The following CUBN variants were observed in gnomAD, a reference collection of about 807,000 sequenced individuals.
The protein encoded by CUBN is cubilin, also known as 460 kDa receptor.
A neutral mutation model predicts 405.3 loss-of-function variants in CUBN; 282 were observed. The observed-to-expected ratio is 0.70, with a 90% CI of 0.63 to 0.77. The LOEUF is 0.77. Ranked by LOEUF, CUBN falls within the 30% of genes least tolerant of loss-of-function variation. The pLI, the probability that CUBN is intolerant of heterozygous loss-of-function variation, is 0.00. For missense variants in CUBN, 4,514 were observed against 4,475.2 expected (o/e 1.01, Z -0.25); for synonymous variants, 1,684 against 1,617.0 (o/e 1.04, Z -0.99).
Position 16,987,927 on chromosome 10 carries a change from G to A in CUBN, c.4350+2407C>T, listed in dbSNP as rs1446640725. On this transcript the variant is annotated intron_variant, in intron 29 of 66. Coordinates refer to ENST00000377833, the MANE Select transcript of CUBN (RefSeq NM_001081.4). The stretch of plus-strand genomic sequence containing the variant: ...GAACAGTCCCCCAAACCCTGCTTTT[G>A]GTGGAACACGGGAGGCCACTGCAAT... Among the ~76,000 whole-genome samples the A allele has an allele frequency of 4.6e-5, 7 of 152,140 alleles. No individual in the cohort carries two copies. The South Asian group carries it at 1.4e-3, about 31-fold the overall frequency.
intron 56 of CUBN, among the ~76,000 whole-genome samples, 154 bp downstream of exon 56, chr10:16,888,263 A>G (rs1840879344): frequency 6.6e-6 from 1 of 152,224 alleles, no homozygotes. Context: ...TGCTCTCCCC[A>G]CAAAAAGTGC....
chr10:17,106,050 T>C (rs1002325595), intron 10 of CUBN, among the ~76,000 whole-genome samples: 9 of 152,116 alleles, frequency 5.9e-5, no homozygotes, highest in Non-Finnish European at 1.0e-4. Context: ...TTTGGGAGGC[T>C]GAGGAGGGCA....
intron 6 of CUBN, among the ~76,000 whole-genome samples, chr10:17,118,474 T>C (rs1343007049): frequency 6.6e-6 from 1 of 152,204 alleles, no homozygotes; most frequent in African/African-American, 2.4e-5. Context: ...GACAGGGTCT[T>C]GTGCCCAGGC....
chr10:17,002,311 T>G (rs774665486), intron 28 of CUBN, among the ~76,000 whole-genome samples: 1 of 152,154 alleles, frequency 6.6e-6, no homozygotes, highest in African/African-American at 2.4e-5. Flanking sequence ...AGTACATGCA[T>G]TCCTCTATTG....
At chr10:17,034,759 T>C (rs548311747) in intron 27 of CUBN, among the ~76,000 whole-genome samples, 1 of 152,234 alleles carries the variant, frequency 6.6e-6, no homozygotes, top group Non-Finnish European at 1.5e-5. Context: ...TAAACACTAA[T>C]GTACCAAAAG....
At chr10:16,949,658 T>C (rs537787060) in intron 34 of CUBN, among the ~76,000 whole-genome samples, 8 of 152,238 alleles carry the variant, frequency 5.3e-5, no homozygotes, top group Admixed American at 2.0e-4. Context: ...TCCATGTGAA[T>C]GTAAGAACTT....
At position 17,123,668 on chromosome 10, in the gene CUBN, T is replaced by G. The variant is rs202053511; in HGVS notation, c.409A>C (p.Ser137Arg). 5 of 1,613,744 alleles carry G rather than the reference T, an allele frequency of 3.1e-6. No individual in the cohort carries two copies. Among genetic ancestry groups the G allele is most frequent in the Admixed American group, 1.7e-5 (1 of 60,002 alleles). The change falls in exon 5 of 67, where the codon AGC becomes CGC. Residue 137 changes from serine (S) to arginine (R), a missense_variant. Physicochemically the swap from Ser to Arg is moderately radical, Grantham distance 110 (BLOSUM62 -1). This residue lies in a region of CUBN where 1,448 missense variants were observed against 1,388.0 expected (regional missense o/e 1.04). Coordinates refer to ENST00000377833, the MANE Select transcript of CUBN (RefSeq NM_001081.4). ...CCACCATTCTGGCAAGGATTGCTGC[T>G]GCAAACCTTTTTGTCAACAGTCTGA... Reference protein sequence around the residue: ...LQQTVDKKVCSSNPCQNGGTC... With the variant: ...LQQTVDKKVCRSNPCQNGGTC...
intron 32 of CUBN, among the ~76,000 whole-genome samples, chr10:16,953,208 A>G (rs1240781078): frequency 1.3e-5 from 2 of 152,210 alleles, no homozygotes; most frequent in African/African-American, 4.8e-5. Context: ...AGGTTGTTAC[A>G]GTCCGGATGA....
intron 56 of CUBN, among the ~76,000 whole-genome samples, chr10:16,883,587 G>GA (rs996227484): frequency 3.9e-5 from 6 of 152,110 alleles, no homozygotes; most frequent in African/African-American, 1.4e-4. Flanking sequence ...TCTTGATGGG[G>GA]AAAAAAATGT....
At chr10:16,847,213 G>T (rs991492866) in intron 60 of CUBN, among the ~76,000 whole-genome samples, 1 of 152,198 alleles carries the variant, frequency 6.6e-6, no homozygotes, top group Non-Finnish European at 1.5e-5. Flanking sequence ...AGCACTTTGG[G>T]AGGCCGAGGC....
At chr10:16,896,980 G>A (rs957383905) in intron 54 of CUBN, among the ~76,000 whole-genome samples, 1 of 152,088 alleles carries the variant, frequency 6.6e-6, no homozygotes, top group African/African-American at 2.4e-5. Context: ...ATTTATGTTA[G>A]TGTATTTTTC....
intron 22 of CUBN, among the ~76,000 whole-genome samples, chr10:17,063,364 G>T (rs1479440454): frequency 6.6e-6 from 1 of 152,152 alleles, no homozygotes. Flanking sequence ...ACACTCCCTC[G>T]TCTGTGATTT....
At chr10:16,986,814 C>G (rs921367003) in intron 29 of CUBN, among the ~76,000 whole-genome samples, 1 of 152,152 alleles carries the variant, frequency 6.6e-6, no homozygotes, top group African/African-American at 2.4e-5. Context: ...ATCACCCAAG[C>G]CCAATCAACA....
intron 39 of CUBN, among the ~76,000 whole-genome samples, chr10:16,936,845 T>A (rs1842520681): frequency 1.3e-5 from 2 of 152,088 alleles, no homozygotes; most frequent in African/African-American, 4.8e-5. Flanking sequence ...GCCTCCCGAG[T>A]AGCTGAGGCT....
At chr10:16,934,444 C>T (rs1368654611) in intron 39 of CUBN, among the ~76,000 whole-genome samples, 3 of 152,168 alleles carry the variant, frequency 2.0e-5, no homozygotes, top group Non-Finnish European at 2.9e-5. Flanking sequence ...GATTTCTTTA[C>T]CCTATTACTA....
intron 22 of CUBN, among the ~76,000 whole-genome samples, chr10:17,055,747 A>C (rs1835379360): frequency 6.6e-6 from 1 of 152,138 alleles, no homozygotes; most frequent in African/African-American, 2.4e-5. Flanking sequence ...TACACTGAAA[A>C]CTTTATTGCT....
intron 28 of CUBN, among the ~76,000 whole-genome samples, chr10:16,993,935 C>T (rs769738123): frequency 7.2e-5 from 11 of 152,154 alleles, no homozygotes; most frequent in African/African-American, 2.7e-4. Flanking sequence ...CTCACTACCT[C>T]TGAGGATTAA....
chr10:17,116,999 G>T (rs1159183456), intron 6 of CUBN, among the ~76,000 whole-genome samples: 1 of 152,116 alleles, frequency 6.6e-6, no homozygotes, highest in Admixed American at 6.5e-5. Flanking sequence ...TTACATAAAA[G>T]CTGATTCATT....
chr10:16,890,558 T>C, intron 54 of CUBN, 31 bp from the exon 55 acceptor site: 1 of 1,613,224 alleles, frequency 6.2e-7, no homozygotes, highest in Non-Finnish European at 8.5e-7. Flanking sequence ...ACTTTAATGC[T>C]CAAGGGTTTC....
Sources: allele counts gnomAD v4.1 joint callset (sites outside exome capture counted in the v4.1 genomes callset), GRCh38; gene constraint gnomAD v4.1.1; regional missense constraint gnomAD v4.1.1; transcripts MANE v1.5; gene names NCBI Gene and HGNC (gene_info 2026-07-23, HGNC 2026-07-21).